The following PRDX6 variants were observed in gnomAD, a reference collection of about 807,000 sequenced individuals.
The protein encoded by PRDX6 is peroxiredoxin-6.
A neutral mutation model predicts 20.0 loss-of-function variants in PRDX6; 13 were observed. That is an observed-to-expected ratio of 0.65 (90% CI 0.42 to 1.03). PRDX6 has a LOEUF of 1.03. Among genes scored for constraint, PRDX6 ranks in the 50% least tolerant of loss-of-function variants. PRDX6 has a pLI of 0.00. For missense variants in PRDX6, 203 were observed against 276.9 expected (o/e 0.73, Z 1.89); for synonymous variants, 85 against 100.8 (o/e 0.84, Z 0.94).
chr1:173,480,206 G>A (rs1658778134), intron 1 of PRDX6, among the ~76,000 whole-genome samples: 1 of 152,132 alleles, frequency 6.6e-6, no homozygotes, highest in African/African-American at 2.4e-5. Context: ...CATCCTTTTT[G>A]TAAGAAGATC....
Position 173,486,239 on chromosome 1 carries a change from C to T in PRDX6, c.400-16C>T. 1 of 1,583,702 alleles carries T rather than the reference C, an allele frequency of 6.3e-7. No individual in the cohort carries two copies. The highest frequency in any genetic ancestry group is 8.6e-7 in the Non-Finnish European group (1 of 1,167,308). ...TCAAAGAACTCTTCCTATTTATGCC[C>T]CTCTGTGCTTTACAGGTGTTTGTTT... is the stretch of plus-strand genomic sequence containing the variant. On this transcript the variant is annotated splice_polypyrimidine_tract_variant and intron_variant, in intron 3 of 4. Transcript: ENST00000340385.
intron 1 of PRDX6, among the ~76,000 whole-genome samples, chr1:173,479,231 G>A (rs1317111744): frequency 6.6e-6 from 1 of 152,114 alleles, no homozygotes; most frequent in African/African-American, 2.4e-5. Context: ...CTTTATCAGG[G>A]AGCCATAGTT....
chr1:173,480,280 C>T (rs1658779444), intron 1 of PRDX6, among the ~76,000 whole-genome samples: 1 of 152,162 alleles, frequency 6.6e-6, no homozygotes, highest in South Asian at 2.1e-4. Context: ...GTGCCCTTGT[C>T]TTTGCTTGTT....
intron 2 of PRDX6, among the ~76,000 whole-genome samples, chr1:173,484,910 T>G (rs1658871867): frequency 6.6e-6 from 1 of 151,966 alleles, no homozygotes; most frequent in Non-Finnish European, 1.5e-5. Flanking sequence ...GGGTGCTTTA[T>G]GAGGTAGGGA....
At chr1:173,482,777 AAAG>A (rs1658826158) in intron 2 of PRDX6, among the ~76,000 whole-genome samples, 1 of 152,218 alleles carries the variant, frequency 6.6e-6, no homozygotes, top group East Asian at 1.9e-4. Context: ...GTAGGAGAAA[AAAG>A]AAGGGCAGTT....
In PRDX6 at chr1:173,484,170, A is replaced by T. The variant is rs28435499; in HGVS notation, c.253-1191A>T. 1.9e-3 allele frequency among the ~76,000 whole-genome samples: 216 copies of T among 111,096 alleles called. 2 individuals are homozygous for T. The highest frequency in any genetic ancestry group is 8.1e-3 in the African/African-American group (176 of 21,748). 72.9% of individuals were successfully genotyped at this position (111,096 alleles called of 152,430 possible). A position where few individuals can be genotyped will look rare whatever the true frequency, so the allele number is the denominator to read the frequency against. On this transcript the variant is annotated intron_variant, in intron 2 of 4. Transcript: ENST00000340385. ...TATATATTTATATATATATATATTT[A>T]TATATATACACACACACACACATAC...
In PRDX6 at chr1:173,488,358, A is replaced by T. The variant is rs1341151545; in HGVS notation, c.*495A>T. 6.5e-6 allele frequency: 1 copy of T among 152,772 alleles called. No homozygotes were observed. The highest frequency in any genetic ancestry group is 2.4e-5 in the African/African-American group (1 of 41,438). 9.5% of individuals were successfully genotyped at this position (152,772 alleles called of 1,614,324 possible). A position where few individuals can be genotyped will look rare whatever the true frequency, so the allele number is the denominator to read the frequency against. ...ACCCAGATGCGCTTTAATTTTTTTT[A>T]ATATGTTTTGATCACAGAACTTCTA... On this transcript the variant is annotated 3_prime_UTR_variant, in exon 5 of 5. Coordinates refer to ENST00000340385, the MANE Select transcript of PRDX6 (RefSeq NM_004905.3).
In PRDX6 at chr1:173,484,152, TTA is replaced by T. The variant is rs1171129427; in HGVS notation, c.253-1195_253-1194del. Among the ~76,000 whole-genome samples the T allele has an allele frequency of 1.3e-4, 16 of 118,628 alleles. 1 individual carries two copies. The highest frequency in any genetic ancestry group is 4.9e-4 in the East Asian group (2 of 4,122). The allele number at this position is 118,628 out of a possible 152,430, so 77.8% of individuals were successfully genotyped here. A position where few individuals can be genotyped will look rare whatever the true frequency, so the allele number is the denominator to read the frequency against. On this transcript the variant is annotated intron_variant, in intron 2 of 4. Coordinates refer to ENST00000340385, the MANE Select transcript of PRDX6 (RefSeq NM_004905.3). Reference sequence around the variant, plus strand: ...AAAAAAAAAAATTAGATATATATATTTATATATATATATATTTATATATATAC... The same window carrying T: ...AAAAAAAAAAATTAGATATATATATTTATATATATATATTTATATATATAC...
At chr1:173,479,387 TTTCTA>T (rs1658765075) in intron 1 of PRDX6, among the ~76,000 whole-genome samples, 2 of 152,246 alleles carry the variant, frequency 1.3e-5, no homozygotes, top group African/African-American at 4.8e-5. Context: ...TTTTTCCAAT[TTTCTA>T]TTCTGTATAT....
chr1:173,485,593 G>A (rs1658882802), intron 3 of PRDX6, 86 bp downstream of exon 3: 1 of 1,212,644 alleles, frequency 8.2e-7, no homozygotes, highest in Non-Finnish European at 1.1e-6. Context: ...AGAGGAGATA[G>A]GGGAATATCT....
At chr1:173,483,278 A>G (rs1402434016) in intron 2 of PRDX6, among the ~76,000 whole-genome samples, 1 of 152,262 alleles carries the variant, frequency 6.6e-6, no homozygotes, top group East Asian at 1.9e-4. Context: ...AGTCTGAACT[A>G]TCAGAAGCAG....
rs146176256 is a variant in PRDX6 at position 173,481,352 on chromosome 1, G to A, written c.122G>A (p.Arg41Gln). 66 of 1,613,480 alleles carry A rather than the reference G, an allele frequency of 4.1e-5. No homozygotes were observed. Among genetic ancestry groups the A allele is most frequent in the Admixed American group, 6.7e-5 (4 of 59,966 alleles). Residue 41 changes from arginine to glutamine, a missense_variant, in exon 2 of 5, where the codon CGG (arginine) becomes CAG (glutamine). Physicochemically the swap from Arg to Gln is conservative, Grantham distance 43. Transcript: ENST00000340385. ...DSWGILFSHP[R>Q]DFTPVCTTEL... ...TGGGGCATTCTCTTCTCCCACCCTC[G>A]GGACTTTACCCCAGTGTGCACCACA...
chr1:173,488,366 T>G lies in PRDX6; in HGVS notation c.*503T>G, dbSNP rs74819145. On this transcript the variant is annotated 3_prime_UTR_variant, in exon 5 of 5. Coordinates refer to ENST00000340385, the MANE Select transcript of PRDX6 (RefSeq NM_004905.3). Reference sequence around the variant, plus strand: ...GCGCTTTAATTTTTTTTAATATGTTTTGATCACAGAACTTCTAGAATAACC... The same window carrying G: ...GCGCTTTAATTTTTTTTAATATGTTGTGATCACAGAACTTCTAGAATAACC... 9.0e-3 allele frequency: 1,376 copies of G among 152,880 alleles called. 19 individuals carry two copies. The highest frequency in any genetic ancestry group is 0.03 in the African/African-American group (1,260 of 41,564). The allele number at this position is 152,880 out of a possible 1,614,324, so 9.5% of individuals were successfully genotyped here.
intron 1 of PRDX6, 133 bp from the exon 2 acceptor site, chr1:173,481,193 A>G: frequency 4.4e-6 from 4 of 916,092 alleles, no homozygotes; most frequent in Non-Finnish European, 6.5e-6. Context: ...GAAAAGCTTA[A>G]AAGTAAATAT....
intron 2 of PRDX6, among the ~76,000 whole-genome samples, chr1:173,483,486 G>A (rs1450700446): frequency 2.0e-5 from 3 of 152,150 alleles, no homozygotes; most frequent in Non-Finnish European, 2.9e-5. Flanking sequence ...GAGAGGTGGA[G>A]GCTGCAGTGA....
rs13376081 is a variant in PRDX6 at position 173,484,243 on chromosome 1, A to G, written c.253-1118A>G. ...ATATAATATATATACACATATATAT[A>G]TGTGTGTGTGCATATATATATATAG... On this transcript the variant is annotated intron_variant, in intron 2 of 4. Transcript: ENST00000340385. Among the ~76,000 whole-genome samples, 1,416 of 148,754 alleles carry G rather than the reference A, an allele frequency of 9.5e-3. 27 individuals carry two copies. Among genetic ancestry groups the G allele is most frequent in the African/African-American group, 0.033 (1,354 of 40,472 alleles).
At position 173,477,337 on chromosome 1, in the gene PRDX6, T is replaced by C. The variant is rs1395948224; in HGVS notation, c.-61T>C. 4 of 1,282,538 alleles carry C rather than the reference T, an allele frequency of 3.1e-6. No homozygotes were observed. Among genetic ancestry groups the C allele is most frequent in the Admixed American group, 2.0e-5 (1 of 51,114 alleles). 79.4% of individuals were successfully genotyped at this position (1,282,538 alleles called of 1,614,324 possible). A position where few individuals can be genotyped will look rare whatever the true frequency, so the allele number is the denominator to read the frequency against. ...TCCTCCGCGCGCTGGGACAGGCTGC[T>C]TCTTCGCCAGAACCAACCGGTTGCT... On this transcript the variant is annotated 5_prime_UTR_variant, in exon 1 of 5. Transcript: ENST00000340385.
rs755918840 is a variant in PRDX6 at position 173,481,488 on chromosome 1, T to A, written c.252+6T>A. The A allele has an allele frequency of 1.9e-6, 3 of 1,613,122 alleles. No homozygotes were observed. The Admixed American group carries it at 5.0e-5, about 27-fold the overall frequency. On this transcript the variant is annotated splice_donor_region_variant and intron_variant, in intron 2 of 4. Coordinates refer to ENST00000340385, the MANE Select transcript of PRDX6 (RefSeq NM_004905.3). ...ACCATCTTGCCTGGAGCAAGGTTAGTATCAATTGGCATGTGCTTTGAGCCT... is the reference window on the plus strand; with the variant it reads ...ACCATCTTGCCTGGAGCAAGGTTAGAATCAATTGGCATGTGCTTTGAGCCT...
At chr1:173,483,795 C>T (rs1571396953) in intron 2 of PRDX6, among the ~76,000 whole-genome samples, 3 of 152,136 alleles carry the variant, frequency 2.0e-5, no homozygotes, top group Admixed American at 2.0e-4. Context: ...ACAGAGTTGC[C>T]CACATGTTTC....
Sources: gnomAD v4.1 joint callset for allele counts (sites outside exome capture counted in the v4.1 genomes callset) on GRCh38, gnomAD v4.1.1 for gene constraint, MANE v1.5 for transcripts, NCBI Gene and HGNC (gene_info 2026-07-23, HGNC 2026-07-21) for gene names.